The following ITPR1 variants were observed in gnomAD, a reference collection of about 807,000 sequenced individuals.
The protein encoded by ITPR1 is inositol 1,4,5-trisphosphate receptor type 1.
In ITPR1, 96 loss-of-function variants were observed where a neutral mutation model predicts 318.4. The observed-to-expected ratio is 0.30, with a 90% CI of 0.26 to 0.36. ITPR1 has a LOEUF of 0.36. Among genes scored for constraint, ITPR1 ranks in the 10% least tolerant of loss-of-function variants. The pLI is 1.00. For missense variants in ITPR1, 2,440 were observed against 3,460.2 expected (o/e 0.71, Z 7.40); for synonymous variants, 1,312 against 1,289.9 (o/e 1.02, Z -0.37).
At chr3:4,512,296 A>C (rs1224537631) in intron 2 of ITPR1, among the ~76,000 whole-genome samples, 2 of 152,162 alleles carry the variant, frequency 1.3e-5, no homozygotes, top group African/African-American at 4.8e-5. Context: ...AGGCTGTTTG[A>C]ACAAAGAATA....
chr3:4,657,381 C>G (rs923486061), intron 12 of ITPR1, among the ~76,000 whole-genome samples: 1 of 141,116 alleles, frequency 7.1e-6, no homozygotes, highest in Admixed American at 7.0e-5. Flanking sequence ...ATGGATGTAC[C>G]TAGAGTTTTT....
chr3:4,570,175 A>C (rs1244986821), intron 4 of ITPR1, among the ~76,000 whole-genome samples: 2 of 152,232 alleles, frequency 1.3e-5, no homozygotes, highest in Non-Finnish European at 2.9e-5. Context: ...CATTAATTAG[A>C]CTTCTTTCAA....
rs1274883601 is a variant in ITPR1 at position 4,806,094 on chromosome 3, T to C, written c.7108-9T>C. The C allele has an allele frequency of 1.2e-6, 2 of 1,610,990 alleles. No homozygotes were observed. The highest frequency in any genetic ancestry group is 1.7e-6 in the Non-Finnish European group (2 of 1,177,802). ...CGTGCCATCTGACTGTTCCTGTCAT[T>C]GTTCTCAGGTATGCAATAAAATCAT... On this transcript the variant is annotated splice_polypyrimidine_tract_variant and intron_variant, in intron 54 of 61. Transcript: ENST00000649015.
intron 44 of ITPR1, among the ~76,000 whole-genome samples, chr3:4,752,318 A>G (rs1000109577): frequency 1.3e-5 from 2 of 152,208 alleles, no homozygotes; most frequent in South Asian, 2.1e-4. Flanking sequence ...CGGAAGGTGC[A>G]CAAATGATCA....
rs1575952152 is a variant in ITPR1 at position 4,658,357 on chromosome 3, C to T, written c.1151+79C>T. The T allele has an allele frequency of 7.5e-6, 9 of 1,193,640 alleles. No homozygotes were observed. In the East Asian group the frequency reaches 1.7e-4, roughly 22 times the overall value. The allele number at this position is 1,193,640 out of a possible 1,614,324, so 73.9% of individuals were successfully genotyped here. ...TGACCAGGTTTCTTGGAATCCAAAT[C>T]GTTACTGCCTTTTCTTTTAGATTTT... On this transcript the variant is annotated intron_variant, in intron 13 of 61. Transcript: ENST00000649015.
intron 44 of ITPR1, among the ~76,000 whole-genome samples, chr3:4,741,436 A>T (rs560112899): frequency 2.6e-4 from 39 of 152,306 alleles, no homozygotes; most frequent in African/African-American, 9.1e-4. Context: ...TCTTTTCTGC[A>T]CGTAAGCAGC....
chr3:4,684,791 C>T (rs2306880), intron 29 of ITPR1, among the ~76,000 whole-genome samples: 3 of 152,178 alleles, frequency 2.0e-5, no homozygotes, highest in Admixed American at 6.5e-5. Flanking sequence ...CCCAGGGTCT[C>T]GGCAATGATG....
At chr3:4,502,771 A>T (rs1201130695) in intron 2 of ITPR1, among the ~76,000 whole-genome samples, 1 of 151,966 alleles carries the variant, frequency 6.6e-6, no homozygotes, top group Non-Finnish European at 1.5e-5. Context: ...ATATTTCTTG[A>T]ACTGGCATCT....
rs371269754 is a variant in ITPR1 at position 4,585,597 on chromosome 3, C to T, written c.164-42166C>T. Among the ~76,000 whole-genome samples the T allele has an allele frequency of 5.9e-4, 89 of 152,050 alleles. 1 individual carries two copies. Among genetic ancestry groups the T allele is most frequent in the African/African-American group, 1.6e-3 (67 of 41,470 alleles). On this transcript the variant is annotated intron_variant, in intron 4 of 61. Transcript: ENST00000649015. ...GATTACAGGTGTGCACCACCACGCC[C>T]GGCTAATTTTTGTATTTTTAGTAGA...
chr3:4,668,690 A>T (rs898800763), intron 18 of ITPR1, among the ~76,000 whole-genome samples: 1 of 150,424 alleles, frequency 6.6e-6, no homozygotes, highest in Non-Finnish European at 1.5e-5. Flanking sequence ...CTGGTCTTGA[A>T]CTCCTGACCT....
chr3:4,496,179 C>T (rs2080548239), intron 2 of ITPR1, among the ~76,000 whole-genome samples: 2 of 152,134 alleles, frequency 1.3e-5, no homozygotes, highest in Non-Finnish European at 2.9e-5. Flanking sequence ...CAGGCGTTTC[C>T]CCATCTGAAT....
Position 4,775,408 on chromosome 3 carries a change from C to T in ITPR1, c.6146C>T (p.Thr2049Ile). Residue 2049 changes from threonine (T) to isoleucine (I), a missense_variant, in exon 47 of 62, where the codon ACC becomes ATC. Physicochemically the swap from Thr to Ile is moderately conservative, Grantham distance 89. Coordinates refer to ENST00000649015, the MANE Select transcript of ITPR1 (RefSeq NM_001378452.1). ...ALINQTLESL[T>I]EYCQGPCHEN... Reference sequence around the variant, plus strand: ...ATCAACCAAACCCTGGAAAGTCTGACCGAATACTGTCAAGGACCTTGCCAT... The same window carrying T: ...ATCAACCAAACCCTGGAAAGTCTGATCGAATACTGTCAAGGACCTTGCCAT... The T allele has an allele frequency of 6.2e-7, 1 of 1,613,810 alleles. No individual in the cohort carries two copies. Among genetic ancestry groups the T allele is most frequent in the Non-Finnish European group, 8.5e-7 (1 of 1,179,766 alleles).
intron 47 of ITPR1, among the ~76,000 whole-genome samples, chr3:4,776,846 G>A (rs1260221474): frequency 6.6e-6 from 1 of 152,196 alleles, no homozygotes; most frequent in Non-Finnish European, 1.5e-5. Context: ...CCTTAAACAG[G>A]AAACTTGCTT....
At chr3:4,552,423 C>A (rs1446834406) in intron 4 of ITPR1, among the ~76,000 whole-genome samples, 2 of 152,140 alleles carry the variant, frequency 1.3e-5, no homozygotes, top group Non-Finnish European at 2.9e-5. Flanking sequence ...GTGGCTCACA[C>A]AACTCAGGGA....
chr3:4,768,874 G>A, intron 46 of ITPR1, 110 bp downstream of exon 46: 3 of 1,059,722 alleles, frequency 2.8e-6, no homozygotes, highest in Admixed American at 2.4e-5. Context: ...TTGAGCCAAG[G>A]ATCCAGCAAG....
intron 4 of ITPR1, among the ~76,000 whole-genome samples, chr3:4,580,831 G>C (rs1262903489): frequency 6.6e-6 from 1 of 152,142 alleles, no homozygotes; most frequent in Admixed American, 6.5e-5. Flanking sequence ...GGATACAGTG[G>C]GCACATAGGG....
chr3:4,513,226 A>G (rs1321198211), intron 2 of ITPR1, among the ~76,000 whole-genome samples: 1 of 152,072 alleles, frequency 6.6e-6, no homozygotes, highest in Non-Finnish European at 1.5e-5. Flanking sequence ...CCTCCACACC[A>G]CAGAGGCCTG....
chr3:4,731,786 C>T (rs1277929814), intron 42 of ITPR1, among the ~76,000 whole-genome samples: 1 of 152,208 alleles, frequency 6.6e-6, no homozygotes, highest in Non-Finnish European at 1.5e-5. Flanking sequence ...GTCCCTGCTT[C>T]AGTCTGCTCC....
intron 61 of ITPR1, among the ~76,000 whole-genome samples, chr3:4,844,288 A>T (rs899401850): frequency 6.6e-6 from 1 of 151,650 alleles, no homozygotes; most frequent in Non-Finnish European, 1.5e-5. Context: ...TGCCTAGCTA[A>T]TTTTTTTTCC....
Sources: allele counts gnomAD v4.1 joint callset (sites outside exome capture counted in the v4.1 genomes callset), GRCh38; gene constraint gnomAD v4.1.1; transcripts MANE v1.5; gene names NCBI Gene and HGNC (gene_info 2026-07-23, HGNC 2026-07-21).